CNTNAP2: variants seen among roughly 807,000 people sequenced by gnomAD.
The protein encoded by CNTNAP2 is contactin-associated protein-like 2.
Under a neutral mutation model 155.2 loss-of-function variants are expected in CNTNAP2, and 98 were observed. That is an observed-to-expected ratio of 0.63 (90% CI 0.54 to 0.75). The LOEUF (loss-of-function observed/expected upper bound fraction) is 0.75, where lower values mean the gene tolerates loss of function less well. CNTNAP2 is among the 30% of genes least tolerant of loss of function. The probability of loss-of-function intolerance (pLI) is 0.00; values close to 1 mark genes in which losing one functional copy is unlikely to be tolerated. For synonymous variants in CNTNAP2, 651 were observed against 631.2 expected, an observed-to-expected ratio of 1.03 and a Z score of -0.47; for missense variants, 1,727 against 1,688.1, an observed-to-expected ratio of 1.02 and a Z score of -0.40.
intron 1 of CNTNAP2, among the ~76,000 whole-genome samples, chr7:146,226,164 G>A (rs13242684): frequency 0.083 from 12,649 of 152,048 alleles, 549 homozygotes; most frequent in Middle Eastern, 0.15. Flanking sequence ...ATTCTGCCTC[G>A]GCCCTACTGA....
At position 146,151,653 on chromosome 7, in the gene CNTNAP2, TATATATATATATATATATATATATA is replaced by T. The variant is rs1798044099; in HGVS notation, c.97+34681_97+34705del. On this transcript the variant is annotated intron_variant, in intron 1 of 23. Transcript: ENST00000361727. ...AAAACGTGATATATATATATATATA[TATATATATATATATATATATATATA>T]TATGTATATATATATATATGTATAT... Among the ~76,000 whole-genome samples, 3 of 23,706 alleles carry T rather than the reference TATATATATATATATATATATATATA, an allele frequency of 1.3e-4. 1 individual carries two copies. Among genetic ancestry groups the T allele is most frequent in the Non-Finnish European group, 2.6e-4 (3 of 11,438 alleles). 15.6% of individuals were successfully genotyped at this position (23,706 alleles called of 152,430 possible).
chr7:147,047,667 G>A (rs1799392229), intron 4 of CNTNAP2, among the ~76,000 whole-genome samples: 2 of 152,288 alleles, frequency 1.3e-5, no homozygotes, highest in Non-Finnish European at 1.5e-5. Flanking sequence ...ATCCACAGGT[G>A]TAGACTTAAA....
chr7:147,282,312 G>A (rs1805057404), intron 8 of CNTNAP2, among the ~76,000 whole-genome samples: 1 of 151,872 alleles, frequency 6.6e-6, no homozygotes, highest in Admixed American at 6.6e-5. Context: ...TGTATATTTA[G>A]TTTTTCAAAC....
At chr7:147,006,795 G>A (rs1051586602) in intron 3 of CNTNAP2, among the ~76,000 whole-genome samples, 1 of 152,026 alleles carries the variant, frequency 6.6e-6, no homozygotes, top group African/African-American at 2.4e-5. Context: ...TAATGCTTTT[G>A]TTACTGGGGA....
At chr7:147,374,071 A>G (rs1161749200) in intron 9 of CNTNAP2, among the ~76,000 whole-genome samples, 1 of 152,098 alleles carries the variant, frequency 6.6e-6, no homozygotes, top group African/African-American at 2.4e-5. Context: ...AAACTCATTC[A>G]CAGAGATGAA....
chr7:146,469,993 C>A (rs1027173295), intron 1 of CNTNAP2, among the ~76,000 whole-genome samples: 1 of 151,942 alleles, frequency 6.6e-6, no homozygotes, highest in African/African-American at 2.4e-5. Context: ...GTGCCCACCA[C>A]CACGCCCGGC....
At chr7:146,518,586 T>A (rs548345533) in intron 1 of CNTNAP2, among the ~76,000 whole-genome samples, 2 of 151,756 alleles carry the variant, frequency 1.3e-5, no homozygotes, top group South Asian at 2.1e-4. Flanking sequence ...TTAATACAAC[T>A]TTTTTTTGAG....
At chr7:146,862,684 G>A (rs1039673679) in intron 3 of CNTNAP2, among the ~76,000 whole-genome samples, 1 of 152,158 alleles carries the variant, frequency 6.6e-6, no homozygotes, top group Admixed American at 6.6e-5. Context: ...ATCAGATGCT[G>A]TTTTCATTTT....
chr7:147,464,649 C>A (rs1411477443), intron 10 of CNTNAP2, among the ~76,000 whole-genome samples: 3 of 151,854 alleles, frequency 2.0e-5, no homozygotes, highest in Non-Finnish European at 4.4e-5. Context: ...TAAATTTTAC[C>A]ACTCCATTTC....
intron 15 of CNTNAP2, among the ~76,000 whole-genome samples, chr7:148,029,240 A>G (rs1359036565): frequency 2.0e-5 from 3 of 152,200 alleles, no homozygotes; most frequent in Admixed American, 1.3e-4. Flanking sequence ...GCACAACTCC[A>G]AAGTTCTATG....
chr7:146,515,463 G>A (rs796557599), intron 1 of CNTNAP2, among the ~76,000 whole-genome samples: 28 of 152,168 alleles, frequency 1.8e-4, no homozygotes, highest in African/African-American at 6.5e-4. Context: ...CACAGCCTAA[G>A]TTTTGAGTTT....
intron 10 of CNTNAP2, among the ~76,000 whole-genome samples, chr7:147,482,438 G>A (rs561566879): frequency 2.6e-4 from 40 of 152,222 alleles, no homozygotes; most frequent in African/African-American, 9.4e-4. Context: ...ATAAGAATCA[G>A]GCCCGTGTGG....
chr7:148,340,231 C>G (rs1406061120), intron 21 of CNTNAP2, among the ~76,000 whole-genome samples: 4 of 152,142 alleles, frequency 2.6e-5, no homozygotes, highest in Non-Finnish European at 5.9e-5. Flanking sequence ...TAAGTAGACA[C>G]ACCCCAAAAG....
chr7:146,728,016 C>G (rs2129178819), intron 1 of CNTNAP2, among the ~76,000 whole-genome samples: 1 of 152,160 alleles, frequency 6.6e-6, no homozygotes, highest in South Asian at 2.1e-4. Context: ...GGTCCAATGG[C>G]TAAACCGACG....
chr7:147,086,014 T>C (rs1157975514), intron 4 of CNTNAP2, among the ~76,000 whole-genome samples: 2 of 152,122 alleles, frequency 1.3e-5, no homozygotes, highest in Non-Finnish European at 2.9e-5. Context: ...CAACTTGAAA[T>C]GGTAGAAAAA....
intron 3 of CNTNAP2, among the ~76,000 whole-genome samples, chr7:147,007,503 T>A (rs1798546721): frequency 6.6e-6 from 1 of 152,122 alleles, no homozygotes; most frequent in South Asian, 2.1e-4. Context: ...AAGCCACCTT[T>A]TGTATAATTA....
At position 147,312,407 on chromosome 7, in the gene CNTNAP2, C is replaced by G. The variant is rs9640499; in HGVS notation, c.1498+12117C>G. Among the ~76,000 whole-genome samples, 9 of 132,972 alleles carry G rather than the reference C, an allele frequency of 6.8e-5. No homozygotes were observed. In the South Asian group the frequency reaches 2.2e-3, roughly 32 times the overall value. The allele number at this position is 132,972 out of a possible 152,430, so 87.2% of individuals were successfully genotyped here. A position where few individuals can be genotyped will look rare whatever the true frequency, so the allele number is the denominator to read the frequency against. On this transcript the variant is annotated intron_variant, in intron 9 of 23. Coordinates refer to ENST00000361727, the MANE Select transcript of CNTNAP2 (RefSeq NM_014141.6). ...GGTATATCTCCTAATGCTAACCGTC[C>G]CCCCTCCCCCGACCCCACAACAGTC...
intron 12 of CNTNAP2, among the ~76,000 whole-genome samples, chr7:147,594,394 G>A (rs1355295062): frequency 6.6e-6 from 1 of 152,114 alleles, no homozygotes; most frequent in Non-Finnish European, 1.5e-5. Flanking sequence ...TCCTCTGGCT[G>A]TCATAACATG....
intron 1 of CNTNAP2, among the ~76,000 whole-genome samples, chr7:146,459,200 G>C (rs1796601364): frequency 6.6e-6 from 1 of 152,118 alleles, no homozygotes; most frequent in Non-Finnish European, 1.5e-5. Flanking sequence ...TCTCAAAATA[G>C]CATCAACATT....
Sources: allele counts gnomAD v4.1 joint callset (sites outside exome capture counted in the v4.1 genomes callset), GRCh38; gene constraint gnomAD v4.1.1; transcripts MANE v1.5; gene names NCBI Gene and HGNC (gene_info 2026-07-23, HGNC 2026-07-21).